Variants in OR7C1 observed in about 807,000 individuals in gnomAD.
OR7C1 encodes the protein olfactory receptor family 7 subfamily C member 1, also known as olfactory receptor 7C1.
For synonymous variants in OR7C1, 152 were observed against 160.7 expected, an observed-to-expected ratio of 0.95 and a Z score of 0.41; for missense variants, 324 against 383.3, an observed-to-expected ratio of 0.85 and a Z score of 1.29.
At chr19:14,827,688 A>G in intron 1 of OR7C1, 1 of 1,614,214 alleles carries the variant, frequency 6.2e-7, no homozygotes. Context: ...AGCAAGTTGG[A>G]TGACCTGATT....
At chr19:14,828,052 A>G (rs1317342212) in intron 1 of OR7C1, 1 of 1,614,180 alleles carries the variant, frequency 6.2e-7, no homozygotes, top group Non-Finnish European at 8.5e-7. Flanking sequence ...GACAGGTTGG[A>G]GAGGAAGAAG....
chr19:14,828,058 A>T, intron 1 of OR7C1: 1 of 1,614,182 alleles, frequency 6.2e-7, no homozygotes, highest in South Asian at 1.1e-5. Context: ...TTGGAGAGGA[A>T]GAAGTACATG....
chr19:14,802,723 G>C (rs1342879013), intron 2 of OR7C1, among the ~76,000 whole-genome samples: 1 of 152,158 alleles, frequency 6.6e-6, no homozygotes, highest in Non-Finnish European at 1.5e-5. Context: ...TGGAAGAAAG[G>C]CTGTGGAGTG....
At chr19:14,819,595 C>T (rs1169405631) in intron 1 of OR7C1, among the ~76,000 whole-genome samples, 1 of 152,164 alleles carries the variant, frequency 6.6e-6, no homozygotes, top group Non-Finnish European at 1.5e-5. Flanking sequence ...GTTGATTCCA[C>T]GTTTCCAATT....
chr19:14,803,213 A>G (rs1236575783), intron 2 of OR7C1, among the ~76,000 whole-genome samples: 1 of 151,568 alleles, frequency 6.6e-6, no homozygotes, highest in Non-Finnish European at 1.5e-5. Context: ...AGCCTGAGGC[A>G]CAAGAGTCAC....
intron 2 of OR7C1, among the ~76,000 whole-genome samples, chr19:14,801,489 A>T (rs1406412535): frequency 1.3e-5 from 2 of 152,216 alleles, no homozygotes; most frequent in South Asian, 2.1e-4. Context: ...TGGTTAAAAA[A>T]TTTTATAGGT....
chr19:14,815,592 T>C (rs1260271478), intron 1 of OR7C1, among the ~76,000 whole-genome samples: 1 of 152,204 alleles, frequency 6.6e-6, no homozygotes, highest in Admixed American at 6.5e-5. Flanking sequence ...TAAAGTCTCC[T>C]TTCCTTTTCT....
Position 14,799,486 on chromosome 19 carries a change from A to G in OR7C1, c.651T>C (p.Ser217=), listed in dbSNP as rs1264678425. 1.2e-5 allele frequency: 20 copies of G among 1,614,188 alleles called. No homozygotes were observed. In the South Asian group the frequency reaches 2.1e-4, roughly 17 times the overall value. ...GTATAGAGAAAACAATTTTATAGTA[A>G]GAGAAAAATATTCCAGTGAAGGAAA... The change falls in exon 5 of 5, where the codon TCT becomes TCC. Residue 217 remains serine, a synonymous_variant. Coordinates refer to ENST00000641666, the Ensembl canonical transcript of OR7C1.
Position 14,815,790 on chromosome 19 carries a change from T to TGTGC in OR7C1, c.-622-5798_-622-5797insGCAC, listed in dbSNP as rs1259692931. 1.9e-3 allele frequency among the ~76,000 whole-genome samples: 274 copies of TGTGC among 145,436 alleles called. 3 individuals carry two copies. The highest frequency in any genetic ancestry group is 0.014 in the Admixed American group (202 of 14,708). ...TTGAGTCTCTGAGTTTGTGCGTGTGTGTGTGTGTGTGTGTGTGTGTGTGTG... is the reference window on the plus strand; with the variant it reads ...TTGAGTCTCTGAGTTTGTGCGTGTGTGTGCGTGTGTGTGTGTGTGTGTGTGTGTG... On this transcript the variant is annotated intron_variant, in intron 1 of 4. Coordinates refer to ENST00000641666, the Ensembl canonical transcript of OR7C1.
intron 1 of OR7C1, among the ~76,000 whole-genome samples, chr19:14,810,310 C>G (rs555215986): frequency 1.3e-5 from 2 of 151,754 alleles, no homozygotes; most frequent in Non-Finnish European, 2.9e-5. Context: ...GAGGGACACT[C>G]GGTTTCCAGT....
In OR7C1 at chr19:14,822,190, T is replaced by C. The variant is rs1193905252; in HGVS notation, c.-622-12197A>G. ...CGGAAGTGCAGATATCTCTTCAACATACTGATTTCATTTCCTTTGGCTATA... is the reference window on the plus strand; with the variant it reads ...CGGAAGTGCAGATATCTCTTCAACACACTGATTTCATTTCCTTTGGCTATA... On this transcript the variant is annotated intron_variant, in intron 1 of 4. Coordinates refer to ENST00000641666, the Ensembl canonical transcript of OR7C1. Among the ~76,000 whole-genome samples the C allele has an allele frequency of 3.3e-5, 5 of 152,158 alleles. 1 individual carries two copies. Among genetic ancestry groups the C allele is most frequent in the Admixed American group, 3.3e-4 (5 of 15,268 alleles).
At chr19:14,799,003 C>G in exon 5 of OR7C1, 1 of 701,070 alleles carries the variant, frequency 1.4e-6, no homozygotes, top group Non-Finnish European at 2.1e-6. Flanking sequence ...AACGGGGAAA[C>G]CTTGCCAAGG....
intron 1 of OR7C1, among the ~76,000 whole-genome samples, chr19:14,811,867 C>T (rs2044692359): frequency 1.3e-5 from 2 of 151,998 alleles, no homozygotes; most frequent in African/African-American, 4.8e-5. Flanking sequence ...GATGAAGCTT[C>T]ACTTGCTCAC....
intron 2 of OR7C1, among the ~76,000 whole-genome samples, chr19:14,802,913 A>G (rs2044648583): frequency 1.3e-5 from 2 of 152,268 alleles, no homozygotes; most frequent in South Asian, 4.2e-4. Flanking sequence ...AAAGAAAGAG[A>G]AAGGAGAACG....
intron 1 of OR7C1, chr19:14,825,542 G>A (rs1252622004): frequency 6.6e-6 from 1 of 152,164 alleles, no homozygotes; most frequent in Non-Finnish European, 1.5e-5. Flanking sequence ...GTCCCTCAAG[G>A]GAACTTGGCA....
intron 2 of OR7C1, among the ~76,000 whole-genome samples, chr19:14,804,793 C>T (rs1057090642): frequency 2.6e-5 from 4 of 151,860 alleles, no homozygotes; most frequent in Admixed American, 6.6e-5. Context: ...ATGGTGGTTG[C>T]GCAAAACACA....
At chr19:14,833,438 C>A (rs553663378) in intron 1 of OR7C1, among the ~76,000 whole-genome samples, 1 of 152,304 alleles carries the variant, frequency 6.6e-6, no homozygotes, top group South Asian at 2.1e-4. Context: ...AAGATCGCAC[C>A]ACTGCATTCC....
chr19:14,823,761 T>C (rs1012567315), intron 1 of OR7C1, among the ~76,000 whole-genome samples: 6 of 152,248 alleles, frequency 3.9e-5, no homozygotes, highest in African/African-American at 1.2e-4. Context: ...TGGCCTCTAG[T>C]TTCATCCGTG....
chr19:14,821,600 C>T (rs960669412), intron 1 of OR7C1: 10 of 152,240 alleles, frequency 6.6e-5, no homozygotes, highest in African/African-American at 2.4e-4. Flanking sequence ...GCCAGCATGC[C>T]TGCACATGCA....
Sources: gnomAD v4.1 joint callset for allele counts (sites outside exome capture counted in the v4.1 genomes callset) on GRCh38, gnomAD v4.1.1 for gene constraint, MANE v1.5 for transcripts, NCBI Gene and HGNC (gene_info 2026-07-23, HGNC 2026-07-21) for gene names.